NALF1: variants seen among roughly 807,000 people sequenced by gnomAD.
The protein encoded by NALF1 is NALCN channel auxiliary factor 1.
Under a neutral mutation model 48.4 loss-of-function variants are expected in NALF1, and 3 were observed. The observed-to-expected ratio is 0.06, with a 90% CI of 0.03 to 0.16. The LOEUF is 0.16. Ranked by LOEUF, NALF1 falls within the 10% of genes least tolerant of loss-of-function variation. The pLI, the probability that NALF1 is intolerant of heterozygous loss-of-function variation, is 1.00. For synonymous variants in NALF1, 262 were observed against 245.7 expected, an observed-to-expected ratio of 1.07 and a Z score of -0.62; for missense variants, 526 against 571.5, an observed-to-expected ratio of 0.92 and a Z score of 0.81.
chr13:107,778,455 C>T (rs927477232), intron 1 of NALF1, among the ~76,000 whole-genome samples: 1 of 152,072 alleles, frequency 6.6e-6, no homozygotes, highest in Non-Finnish European at 1.5e-5. Context: ...GGTATGATCA[C>T]TGAATTCAAA....
At chr13:107,753,928 G>A (rs915146967) in intron 1 of NALF1, among the ~76,000 whole-genome samples, 2 of 152,068 alleles carry the variant, frequency 1.3e-5, no homozygotes, top group Non-Finnish European at 2.9e-5. Flanking sequence ...ATGGACAAAC[G>A]GCAGAGACTG....
At chr13:107,788,917 G>A (rs1429407069) in intron 1 of NALF1, 1 of 152,112 alleles carries the variant, frequency 6.6e-6, no homozygotes, top group African/African-American at 2.4e-5. Flanking sequence ...CCTGGAGGTT[G>A]GCCATAATAG....
At chr13:107,688,516 G>A (rs951374109) in intron 1 of NALF1, among the ~76,000 whole-genome samples, 6 of 152,114 alleles carry the variant, frequency 3.9e-5, no homozygotes, top group South Asian at 2.1e-4. Context: ...TATAAAATGT[G>A]TCAGATGTGC....
At chr13:107,528,546 C>T (rs889085307) in intron 1 of NALF1, among the ~76,000 whole-genome samples, 3 of 152,062 alleles carry the variant, frequency 2.0e-5, no homozygotes, top group African/African-American at 7.2e-5. Flanking sequence ...TAAAACAAGC[C>T]TCGAGGGGAA....
At chr13:107,744,578 A>C (rs1876732240) in intron 1 of NALF1, among the ~76,000 whole-genome samples, 2 of 152,344 alleles carry the variant, frequency 1.3e-5, no homozygotes, top group South Asian at 4.1e-4. Context: ...ACCTGAATCT[A>C]TAGAAATCAT....
chr13:107,205,046 G>A (rs1286419523), intron 2 of NALF1, among the ~76,000 whole-genome samples: 1 of 148,394 alleles, frequency 6.7e-6, no homozygotes, highest in African/African-American at 2.5e-5. Context: ...GGGTACATGT[G>A]CACATTGTGC....
At chr13:107,459,034 T>G (rs1884873158) in intron 1 of NALF1, among the ~76,000 whole-genome samples, 1 of 151,824 alleles carries the variant, frequency 6.6e-6, no homozygotes, top group Non-Finnish European at 1.5e-5. Context: ...AAAACACAAT[T>G]CAGGAATTAA....
At chr13:107,279,043 CTTTTTT>C (rs200133690) in intron 1 of NALF1, among the ~76,000 whole-genome samples, 1 of 122,940 alleles carries the variant, frequency 8.1e-6, no homozygotes, top group African/African-American at 3.1e-5. Context: ...TTCTTTTCTT[CTTTTTT>C]TTTTTTTTTT....
intron 2 of NALF1, among the ~76,000 whole-genome samples, chr13:107,203,642 G>A (rs548313704): frequency 6.6e-6 from 1 of 152,266 alleles, no homozygotes; most frequent in South Asian, 2.1e-4. Flanking sequence ...GATGGGCCCT[G>A]ACATGGCTCA....
In NALF1 at chr13:107,398,426, G is replaced by A. The variant is rs376416433; in HGVS notation, c.916-187671C>T. 8.7e-4 allele frequency among the ~76,000 whole-genome samples: 131 copies of A among 150,026 alleles called. No individual in the cohort carries two copies. The South Asian group carries it at 0.027, about 31-fold the overall frequency. On this transcript the variant is annotated intron_variant, in intron 1 of 2. Coordinates refer to ENST00000375915, the MANE Select transcript of NALF1 (RefSeq NM_001080396.3). ...ACCCAAACAGTATAGACTAAACAAT[G>A]TGAACTTTAATGCTCAAGGATATGT...
At chr13:107,684,698 G>GT (rs1156744876) in intron 1 of NALF1, among the ~76,000 whole-genome samples, 3 of 152,146 alleles carry the variant, frequency 2.0e-5, no homozygotes, top group Non-Finnish European at 2.9e-5. Flanking sequence ...TATCATTTCA[G>GT]TTCAGTTATC....
chr13:107,496,828 C>T (rs1417441894), intron 1 of NALF1, among the ~76,000 whole-genome samples: 2 of 152,072 alleles, frequency 1.3e-5, no homozygotes, highest in African/African-American at 2.4e-5. Flanking sequence ...GGAAACACCA[C>T]GTTATAAAGT....
At chr13:107,293,595 C>T (rs1220067021) in intron 1 of NALF1, among the ~76,000 whole-genome samples, 1 of 152,210 alleles carries the variant, frequency 6.6e-6, no homozygotes, top group Non-Finnish European at 1.5e-5. Flanking sequence ...ATAATTAATA[C>T]TGAGTCATCC....
chr13:107,846,523 A>T (rs1880176309), intron 1 of NALF1, among the ~76,000 whole-genome samples: 1 of 152,216 alleles, frequency 6.6e-6, no homozygotes, highest in South Asian at 2.1e-4. Flanking sequence ...ACCATACAGT[A>T]AACAAAATGT....
At chr13:107,768,777 C>T (rs1308266955) in intron 1 of NALF1, among the ~76,000 whole-genome samples, 8 of 152,126 alleles carry the variant, frequency 5.3e-5, no homozygotes, top group Middle Eastern at 3.4e-3. Flanking sequence ...AGAAAATTTT[C>T]GCAACCTACT....
chr13:107,520,348 T>TA (rs1359419719), intron 1 of NALF1, among the ~76,000 whole-genome samples: 1 of 152,198 alleles, frequency 6.6e-6, no homozygotes, highest in Admixed American at 6.5e-5. Context: ...CTAAGCAACT[T>TA]ACATTCCTTC....
rs1394798027 is a variant in NALF1 at position 107,308,260 on chromosome 13, G to A, written c.916-97505C>T. Reference sequence around the variant, plus strand: ...TCTGTCGCCCAGGCTGGAGTCCAGTGGCGTGACCTCGGCTCACTGCAAGCT... The same window carrying A: ...TCTGTCGCCCAGGCTGGAGTCCAGTAGCGTGACCTCGGCTCACTGCAAGCT... On this transcript the variant is annotated intron_variant, in intron 1 of 2. Coordinates refer to ENST00000375915, the MANE Select transcript of NALF1 (RefSeq NM_001080396.3). Among the ~76,000 whole-genome samples the A allele has an allele frequency of 4.5e-4, 64 of 141,800 alleles. No individual in the cohort carries two copies. In the Middle Eastern group the frequency reaches 0.017, roughly 37 times the overall value. The allele number at this position is 141,800 out of a possible 152,430, so 93.0% of individuals were successfully genotyped here.
rs1304197290 is a variant in NALF1 at position 107,163,571 on chromosome 13, T to G, written c.*6926A>C. The G allele has an allele frequency of 1.3e-5, 2 of 152,214 alleles. No homozygotes were observed. The highest frequency in any genetic ancestry group is 4.8e-5 in the African/African-American group (2 of 41,462). The allele number at this position is 152,214 out of a possible 1,614,324, so 9.4% of individuals were successfully genotyped here. A position where few individuals can be genotyped will look rare whatever the true frequency, so the allele number is the denominator to read the frequency against. ...TTTTAATAATTTTAGAAGTTGAAAT[T>G]TAAGATCCAAGGCATTTCTTTAGCT... On this transcript the variant is annotated 3_prime_UTR_variant, in exon 3 of 3. Coordinates refer to ENST00000375915, the MANE Select transcript of NALF1 (RefSeq NM_001080396.3).
chr13:107,524,775 C>T (rs1876374073), intron 1 of NALF1, among the ~76,000 whole-genome samples: 1 of 152,152 alleles, frequency 6.6e-6, no homozygotes, highest in African/African-American at 2.4e-5. Context: ...TTCAGGAACT[C>T]AAAACCTTGG....
Sources: allele counts gnomAD v4.1 joint callset (sites outside exome capture counted in the v4.1 genomes callset), GRCh38; gene constraint gnomAD v4.1.1; transcripts MANE v1.5; gene names NCBI Gene and HGNC (gene_info 2026-07-23, HGNC 2026-07-21).